PAQR7: variants seen among roughly 807,000 people sequenced by gnomAD.
PAQR7 encodes progestin and adipoQ receptor family member 7.
PAQR7 carries 14 observed loss-of-function variants against 24.6 expected under a neutral mutation model. The observed-to-expected ratio is 0.57, with a 90% CI of 0.38 to 0.89. The LOEUF (loss-of-function observed/expected upper bound fraction) is 0.89, where lower values mean the gene tolerates loss of function less well. Among genes scored for constraint, PAQR7 ranks in the 40% least tolerant of loss-of-function variants. The pLI, the probability that PAQR7 is intolerant of heterozygous loss-of-function variation, is 0.00. For missense variants in PAQR7, 351 were observed against 444.0 expected (o/e 0.79, Z 1.88); for synonymous variants, 189 against 198.8 (o/e 0.95, Z 0.42).
rs1477640094 is a variant in PAQR7, at chr1:25,875,122, T to G, written c.-109+366A>C. Among the ~76,000 whole-genome samples, 1 of 151,964 alleles carries G rather than the reference T, an allele frequency of 6.6e-6. No individual in the cohort carries two copies. The highest frequency in any genetic ancestry group is 1.5e-5 in the Non-Finnish European group (1 of 67,958). ...CCACTCCCTGCCCTCCATCCTTCAT[T>G]TTCTCCAAGCAGCCCTCCCCTCCCC... On this transcript the variant is annotated intron_variant, in intron 1 of 2. Coordinates refer to ENST00000675840, the MANE Select transcript of PAQR7 (RefSeq NM_178422.6). This position sits in a 1 kb window ranked among gnomAD's most constrained non-coding sequence, Gnocchi z 5.4.
At chr1:25,869,454 C>A (rs951363827) in intron 2 of PAQR7, among the ~76,000 whole-genome samples, 5 of 152,048 alleles carry the variant, frequency 3.3e-5, no homozygotes, top group Non-Finnish European at 5.9e-5. Flanking sequence ...TGCTTGTAAT[C>A]CCAGCTACTC....
chr1:25,868,585 C>T (rs2048576657), intron 2 of PAQR7, among the ~76,000 whole-genome samples: 1 of 151,858 alleles, frequency 6.6e-6, no homozygotes, highest in Non-Finnish European at 1.5e-5. Flanking sequence ...TGGTGTGCAC[C>T]TGTAGTCCCA....
In PAQR7 at chr1:25,872,187, C is replaced by A. The variant is rs139175025; in HGVS notation, c.-108-1493G>T. ...GGGCTCTTGTGGAAGCAAAACAAAGCCATGGATGCCAGGTGTTGGCTCTGG... is the reference window on the plus strand; with the variant it reads ...GGGCTCTTGTGGAAGCAAAACAAAGACATGGATGCCAGGTGTTGGCTCTGG... On this transcript the variant is annotated intron_variant, in intron 1 of 2. Coordinates refer to ENST00000675840, the MANE Select transcript of PAQR7 (RefSeq NM_178422.6). Among the ~76,000 whole-genome samples the A allele has an allele frequency of 5.6e-3, 852 of 152,280 alleles. 8 individuals carry two copies. The highest frequency in any genetic ancestry group is 0.019 in the African/African-American group (783 of 41,558).
rs768761118 is a variant in PAQR7, at chr1:25,863,711, C to A, written c.129G>T (p.Trp43Cys). 1 of 1,614,154 alleles carries A rather than the reference C, an allele frequency of 6.2e-7. No homozygotes were observed. Among genetic ancestry groups the A allele is most frequent in the Admixed American group, 1.7e-5 (1 of 60,028 alleles). ...VDRAEVPPLF[W>C]KPYIYAGYRP... ...GGTAGCCCGCATAGATGTACGGCTTCCAGAAGAGCGGCGGCACCTCAGCTC... is the reference window on the plus strand; with the variant it reads ...GGTAGCCCGCATAGATGTACGGCTTACAGAAGAGCGGCGGCACCTCAGCTC... The change falls in exon 3 of 3, where the codon TGG (tryptophan) becomes TGT (cysteine). Residue 43 changes from tryptophan to cysteine, a missense_variant. By Grantham distance (215) the Trp-to-Cys change is radical (BLOSUM62 -2). Coordinates refer to ENST00000675840, the MANE Select transcript of PAQR7 (RefSeq NM_178422.6). This position sits in a 1 kb window ranked among gnomAD's most constrained non-coding sequence, Gnocchi z 6.1.
rs137957275 is a variant in PAQR7, at chr1:25,867,294, C to T, written c.-23+3315G>A. On this transcript the variant is annotated intron_variant, in intron 2 of 2. Coordinates refer to ENST00000675840, the MANE Select transcript of PAQR7 (RefSeq NM_178422.6). Reference sequence around the variant, plus strand: ...CAAGCGACCCTCCCACTCGGCCTCCCAAAGTGCTGGGATTACAAATGTGAG... The same window carrying T: ...CAAGCGACCCTCCCACTCGGCCTCCTAAAGTGCTGGGATTACAAATGTGAG... Among the ~76,000 whole-genome samples the T allele has an allele frequency of 1.1e-3, 163 of 152,326 alleles. 2 individuals are homozygous for T. Among genetic ancestry groups the T allele is most frequent in the African/African-American group, 3.7e-3 (155 of 41,568 alleles).
intron 2 of PAQR7, among the ~76,000 whole-genome samples, chr1:25,867,904 C>T (rs1168384896): frequency 6.6e-6 from 1 of 152,224 alleles, no homozygotes; most frequent in East Asian, 1.9e-4. Flanking sequence ...CTTAGGACAA[C>T]AGGCATGTGC....
Position 25,862,946 on chromosome 1 carries a change from C to A in PAQR7, c.894G>T (p.Glu298Asp). The A allele has an allele frequency of 1.2e-6, 2 of 1,614,162 alleles. No individual in the cohort carries two copies. The highest frequency in any genetic ancestry group is 1.7e-6 in the Non-Finnish European group (2 of 1,180,044). ...AQLEAVALDY[E>D]ARRPIYEPLH... Reference sequence around the variant, plus strand: ...GAGGCTCATAGATGGGCCGTCGGGCCTCATAGTCCAGTGCCACAGCCTCCA... The same window carrying A: ...GAGGCTCATAGATGGGCCGTCGGGCATCATAGTCCAGTGCCACAGCCTCCA... The change falls in exon 3 of 3, where the codon GAG (glutamate) becomes GAT (aspartate). Residue 298 changes from glutamate (E) to aspartate (D), a missense_variant. Coordinates refer to ENST00000675840, the MANE Select transcript of PAQR7 (RefSeq NM_178422.6).
At position 25,875,270 on chromosome 1, in the gene PAQR7, GC is replaced by G. The variant is rs1488102901; in HGVS notation, c.-109+217del. 6.6e-6 allele frequency among the ~76,000 whole-genome samples: 1 copy of G among 152,114 alleles called. No individual in the cohort carries two copies. The highest frequency in any genetic ancestry group is 1.5e-5 in the Non-Finnish European group (1 of 68,032). On this transcript the variant is annotated intron_variant, in intron 1 of 2. Transcript: ENST00000675840. The surrounding 1 kb of genome is among the most constrained non-coding windows in gnomAD (Gnocchi z 5.4). ...CGAGCTCCTCCTTCCTGCGCCCTCC[GC>G]TGGCTGCTTCCCCGGGCGGGCGTCC...
chr1:25,869,133 A>T (rs963906839), intron 2 of PAQR7, among the ~76,000 whole-genome samples: 1 of 149,882 alleles, frequency 6.7e-6, no homozygotes, highest in Non-Finnish European at 1.5e-5. Context: ...TCTCAAGAAG[A>T]AAAAAAAAAG....
At position 25,863,649 on chromosome 1, in the gene PAQR7, G is replaced by T. The variant is rs147694393; in HGVS notation, c.191C>A (p.Thr64Lys). The T allele has an allele frequency of 6.2e-7, 1 of 1,614,168 alleles. No homozygotes were observed. Among genetic ancestry groups the T allele is most frequent in the Non-Finnish European group, 8.5e-7 (1 of 1,180,018 alleles). The change falls in exon 3 of 3, where the codon ACG becomes AAG. Residue 64 changes from threonine (T) to lysine (K), a missense_variant. Physicochemically the swap from Thr to Lys is moderately conservative, Grantham distance 78. Transcript: ENST00000675840. This position sits in a 1 kb window ranked among gnomAD's most constrained non-coding sequence, Gnocchi z 6.1. The stretch of plus-strand genomic sequence containing the variant: ...GGCCTCGTTGTGCTGCTGGAACAGC[G>T]TGCGGAAATAGAAGCGCCAGGTCTG... ...LHQTWRFYFR[T>K]LFQQHNEAVN...
At chr1:25,865,174 A>AAC (rs35692856) in intron 2 of PAQR7, among the ~76,000 whole-genome samples, 141,225 of 150,370 alleles carry the variant, frequency 0.94, 66,481 homozygotes, top group East Asian at 1. Context: ...CAAACAAAAA[A>AAC]ACATTTCTTC....
Position 25,862,484 on chromosome 1 carries a change from A to G in PAQR7, c.*315T>C, listed in dbSNP as rs993071435. The G allele has an allele frequency of 5.0e-5, 16 of 319,530 alleles. No individual in the cohort carries two copies. Among genetic ancestry groups the G allele is most frequent in the Admixed American group, 1.8e-4 (4 of 21,632 alleles). 19.8% of individuals were successfully genotyped at this position (319,530 alleles called of 1,614,324 possible). The stretch of plus-strand genomic sequence containing the variant: ...CTGCCTAGACAATCTAGAAGCCCCA[A>G]TCCTCACCAAGCTGACCCCCAGCCT... On this transcript the variant is annotated 3_prime_UTR_variant, in exon 3 of 3. Transcript: ENST00000675840.
In PAQR7 at chr1:25,863,806, G is replaced by A. The variant is rs1257674293; in HGVS notation, c.34C>T (p.Pro12Ser). Residue 12 changes from proline to serine, a missense_variant, in exon 3 of 3, where the codon CCG becomes TCG. Physicochemically the swap from Pro to Ser is moderately conservative, Grantham distance 74. Coordinates refer to ENST00000675840, the MANE Select transcript of PAQR7 (RefSeq NM_178422.6). This position sits in a 1 kb window ranked among gnomAD's most constrained non-coding sequence, Gnocchi z 6.1. ...AMAQKLSHLL[P>S]SLRQVIQEPQ... ...TCCTGGATGACCTGCCGCAGACTCG[G>A]CAGGAGGTGGCTGAGTTTCTGGGCC... 7 of 1,613,200 alleles carry A rather than the reference G, an allele frequency of 4.3e-6. No individual in the cohort carries two copies. In the South Asian group the frequency reaches 6.6e-5, roughly 15 times the overall value.
In PAQR7 at chr1:25,875,581, G is replaced by C. The variant is rs968769512; in HGVS notation, c.-202C>G. ...CGGGCAGCGGCCCCGCCCCAAGCCG[G>C]GGGAGGGCGGGCGGCCTCGGGCGCT... is the stretch of plus-strand genomic sequence containing the variant. On this transcript the variant is annotated 5_prime_UTR_variant, in exon 1 of 3. Transcript: ENST00000675840. This position sits in a 1 kb window ranked among gnomAD's most constrained non-coding sequence, Gnocchi z 5.4. Among the ~76,000 whole-genome samples, 3 of 151,760 alleles carry C rather than the reference G, an allele frequency of 2.0e-5. No individual in the cohort carries two copies. Among genetic ancestry groups the C allele is most frequent in the Non-Finnish European group, 4.4e-5 (3 of 67,890 alleles).
chr1:25,863,827 GGGCCAT>G lies in PAQR7; in HGVS notation c.7_12del (p.Met3_Ala4del), dbSNP rs1472740282. On this transcript the variant is annotated inframe_deletion, in exon 3 of 3. Coordinates refer to ENST00000675840, the MANE Select transcript of PAQR7 (RefSeq NM_178422.6). This position sits in a 1 kb window ranked among gnomAD's most constrained non-coding sequence, Gnocchi z 6.1. ...CTCGGCAGGAGGTGGCTGAGTTTCT[GGGCCAT>G]GGCCATGGCTGTGGGCCTGGGCAGG... is the stretch of plus-strand genomic sequence containing the variant. 7 of 1,612,108 alleles carry G rather than the reference GGGCCAT, an allele frequency of 4.3e-6. No individual in the cohort carries two copies. In the South Asian group the frequency reaches 7.7e-5, roughly 18 times the overall value.
chr1:25,869,206 T>G (rs2124195939), intron 2 of PAQR7, among the ~76,000 whole-genome samples: 1 of 152,172 alleles, frequency 6.6e-6, no homozygotes, highest in Non-Finnish European at 1.5e-5. Context: ...TGCAATTAAC[T>G]CTCATAACTT....
rs142505796 is a variant in PAQR7, at chr1:25,863,530, C to T, written c.310G>A (p.Ala104Thr). ...AGGACAATGATGAAGAGGGGCAGGG[C>T]GTGTGGGTCTCCCCAGAAGTCCACG... The part of the protein sequence containing the change: ...ETVDFWGDPH[A>T]LPLFIIVLAS... Residue 104 changes from alanine to threonine, a missense_variant, in exon 3 of 3, where the codon GCC (alanine) becomes ACC (threonine). Physicochemically the swap from Ala to Thr is moderately conservative, Grantham distance 58 (BLOSUM62 0). Transcript: ENST00000675840. The surrounding 1 kb of genome is among the most constrained non-coding windows in gnomAD (Gnocchi z 6.1). 8.5e-5 allele frequency: 137 copies of T among 1,614,140 alleles called. No homozygotes were observed. The highest frequency in any genetic ancestry group is 1.6e-4 in the Middle Eastern group (1 of 6,062).
chr1:25,866,556 C>G (rs1182448329), intron 2 of PAQR7, among the ~76,000 whole-genome samples: 1 of 152,182 alleles, frequency 6.6e-6, no homozygotes, highest in Admixed American at 6.6e-5. Context: ...CAAATGCTCA[C>G]ACAGCACCTG....
At position 25,863,853 on chromosome 1, in the gene PAQR7, G is replaced by C. The variant is rs752837847; in HGVS notation, c.-14C>G. 1 of 1,601,390 alleles carries C rather than the reference G, an allele frequency of 6.2e-7. No individual in the cohort carries two copies. Among genetic ancestry groups the C allele is most frequent in the Non-Finnish European group, 8.5e-7 (1 of 1,173,902 alleles). On this transcript the variant is annotated 5_prime_UTR_variant, in exon 3 of 3. Transcript: ENST00000675840. This position sits in a 1 kb window ranked among gnomAD's most constrained non-coding sequence, Gnocchi z 6.1. ...GGCCATGGCCATGGCTGTGGGCCTG[G>C]GCAGGGAGCTGGGAGAGAGACCAGA...
Sources: gnomAD v4.1 joint callset for allele counts (sites outside exome capture counted in the v4.1 genomes callset) on GRCh38, gnomAD v4.1.1 for gene constraint, Gnocchi (gnomAD v3.1) non-coding constraint, MANE v1.5 for transcripts, NCBI Gene and HGNC (gene_info 2026-07-23, HGNC 2026-07-21) for gene names.